Variants in CHLSN observed in about 807,000 individuals in gnomAD.
CHLSN encodes the protein protein cholesin.
chr7:1,032,543 G>C, the CHLSN span, among the ~76,000 whole-genome samples: 258 of 150,900 alleles, frequency 1.7e-3, 1 homozygote, highest in African/African-American at 5.8e-3. Flanking sequence ...GGTGACAGTG[G>C]CCCTCAGAGG....
chr7:1,026,686 G>T, the CHLSN span: 1 of 152,220 alleles, frequency 6.6e-6, no homozygotes, highest in Non-Finnish European at 1.5e-5. Context: ...AAAACGTATG[G>T]GAACCATGCA....
the CHLSN span, chr7:1,093,496 C>T: frequency 2.1e-6 from 1 of 470,472 alleles, no homozygotes; most frequent in South Asian, 1.5e-5. Flanking sequence ...GGAGCAGCAG[C>T]GCTCGGCCCG....
At chr7:1,135,160 C>A in the CHLSN span, among the ~76,000 whole-genome samples, 6 of 152,256 alleles carry the variant, frequency 3.9e-5, no homozygotes, top group South Asian at 1.2e-3. Flanking sequence ...TGTCCTTGAA[C>A]ACTGAAGGAC....
the CHLSN span, among the ~76,000 whole-genome samples, chr7:978,459 C>T: frequency 6.6e-6 from 1 of 152,148 alleles, no homozygotes; most frequent in Non-Finnish European, 1.5e-5. Flanking sequence ...GTCGAGGCTG[C>T]AGTGAACCAA....
At chr7:1,018,211 G>T in the CHLSN span, among the ~76,000 whole-genome samples, 2 of 152,230 alleles carry the variant, frequency 1.3e-5, no homozygotes, top group Non-Finnish European at 2.9e-5. Flanking sequence ...GGCTTGGCGG[G>T]TGGGGTCCAA....
chr7:991,632 C>G, the CHLSN span, among the ~76,000 whole-genome samples: 5 of 152,250 alleles, frequency 3.3e-5, no homozygotes, highest in African/African-American at 9.6e-5. Flanking sequence ...AATGCCGGGG[C>G]TTGGCACGGA....
the CHLSN span, among the ~76,000 whole-genome samples, chr7:1,136,563 CAT>C: frequency 0.039 from 2,906 of 75,034 alleles, 74 homozygotes; most frequent in Admixed American, 0.062. Context: ...CATATATAAA[CAT>C]ATAAACATAA....
chr7:1,008,578 T>A, the CHLSN span, among the ~76,000 whole-genome samples: 1 of 152,140 alleles, frequency 6.6e-6, no homozygotes, highest in African/African-American at 2.4e-5. Context: ...ACGCTATGGC[T>A]GAGCTCATTC....
chr7:1,056,658 C>G, the CHLSN span: 1 of 152,252 alleles, frequency 6.6e-6, no homozygotes, highest in Non-Finnish European at 1.5e-5. Flanking sequence ...GGCAGGACTC[C>G]AGTGGCGGGT....
the CHLSN span, among the ~76,000 whole-genome samples, chr7:1,019,045 A>G: frequency 6.6e-6 from 1 of 151,980 alleles, no homozygotes; most frequent in Non-Finnish European, 1.5e-5. Context: ...AAATACAAAA[A>G]TTAGCCGGGC....
At chr7:1,034,110 ACAGT>A in the CHLSN span, among the ~76,000 whole-genome samples, 6 of 152,258 alleles carry the variant, frequency 3.9e-5, no homozygotes, top group African/African-American at 7.2e-5. Context: ...GGGACCGCAG[ACAGT>A]CAGGGAGCTG....
At chr7:1,111,149 T>C in the CHLSN span, among the ~76,000 whole-genome samples, 1 of 152,266 alleles carries the variant, frequency 6.6e-6, no homozygotes, top group Admixed American at 6.5e-5. Flanking sequence ...GCCTGTCTAA[T>C]CTGTGGTAAA....
At chr7:1,077,242 G>A in the CHLSN span, among the ~76,000 whole-genome samples, 3 of 152,184 alleles carry the variant, frequency 2.0e-5, no homozygotes, top group African/African-American at 7.2e-5. Flanking sequence ...CGCAAGCTCC[G>A]CCTCCCGGGT....
chr7:1,084,772 T>C, the CHLSN span, among the ~76,000 whole-genome samples: 1 of 152,268 alleles, frequency 6.6e-6, no homozygotes, highest in South Asian at 2.1e-4. Context: ...ACACAGCACG[T>C]GGGGTGAGGA....
At chr7:984,693 G>A in the CHLSN span, 1 of 1,395,276 alleles carries the variant, frequency 7.2e-7, no homozygotes, top group Admixed American at 2.6e-5. Context: ...GAGCAGGCAG[G>A]AGCTGGGCCT....
At chr7:1,095,089 G>A in the CHLSN span, among the ~76,000 whole-genome samples, 5 of 152,134 alleles carry the variant, frequency 3.3e-5, no homozygotes, top group African/African-American at 1.2e-4. Context: ...CACGACTCAG[G>A]CCCGGCGCAC....
chr7:1,004,747 G>C, the CHLSN span, among the ~76,000 whole-genome samples: 1 of 152,250 alleles, frequency 6.6e-6, no homozygotes, highest in Admixed American at 6.5e-5. Context: ...ACTGCAGACA[G>C]TTCACAGGAT....
At chr7:1,052,893 C>T in the CHLSN span, among the ~76,000 whole-genome samples, 9 of 152,170 alleles carry the variant, frequency 5.9e-5, no homozygotes, top group Non-Finnish European at 8.8e-5. The surrounding 1 kb of genome is among the most constrained non-coding windows in gnomAD (Gnocchi z 4.2). Context: ...CTTTCATCGC[C>T]GCCACAACAA....
At chr7:1,095,959 G>C in the CHLSN span, among the ~76,000 whole-genome samples, 2 of 152,192 alleles carry the variant, frequency 1.3e-5, no homozygotes, top group African/African-American at 4.8e-5. Context: ...CAGCGGCAGC[G>C]GGGAGGGCTC....
Sources: allele counts gnomAD v4.1 joint callset (sites outside exome capture counted in the v4.1 genomes callset), GRCh38; gene constraint gnomAD v4.1.1; non-coding constraint Gnocchi (gnomAD v3.1); transcripts MANE v1.5; gene names NCBI Gene and HGNC (gene_info 2026-07-23, HGNC 2026-07-21).